Variants in PRKAR1B observed in about 807,000 individuals in gnomAD.
PRKAR1B encodes the protein protein kinase cAMP-dependent type I regulatory subunit beta, also known as cAMP-dependent protein kinase type I-beta regulatory subunit.
PRKAR1B carries 22 observed loss-of-function variants against 46.5 expected under a neutral mutation model. The ratio of observed to expected loss-of-function variants is 0.47; its 90% confidence interval spans 0.34 to 0.68. The LOEUF is 0.68. Among genes scored for constraint, PRKAR1B ranks in the 30% least tolerant of loss-of-function variants. PRKAR1B has a pLI of 0.01. For synonymous variants in PRKAR1B, 259 were observed against 217.7 expected (o/e 1.19, Z -1.67); for missense variants, 445 against 535.6 (o/e 0.83, Z 1.67).
rs544154944 is a variant in PRKAR1B, at chr7:643,411, C to T, written c.440+33818G>A. ...GCGTGAGAACAACTGGACGATCCTTCGCAGCTCACTCATAAAAAGTCATAG... is the reference window on the plus strand; with the variant it reads ...GCGTGAGAACAACTGGACGATCCTTTGCAGCTCACTCATAAAAAGTCATAG... On this transcript the variant is annotated intron_variant, in intron 4 of 10. Coordinates refer to ENST00000537384, the MANE Select transcript of PRKAR1B (RefSeq NM_001164760.2). 4.4e-4 allele frequency among the ~76,000 whole-genome samples: 66 copies of T among 151,558 alleles called. 3 individuals carry two copies. Among genetic ancestry groups the T allele is most frequent in the South Asian group, 1.9e-3 (9 of 4,790 alleles).
At position 618,603 on chromosome 7, in the gene PRKAR1B, T is replaced by G. The variant is rs149545044; in HGVS notation, c.441-11151A>C. 2.6e-5 allele frequency among the ~76,000 whole-genome samples: 4 copies of G among 152,212 alleles called. No individual in the cohort carries two copies. The South Asian group carries it at 8.3e-4, about 32-fold the overall frequency. On this transcript the variant is annotated intron_variant, in intron 4 of 10. Coordinates refer to ENST00000537384, the MANE Select transcript of PRKAR1B (RefSeq NM_001164760.2). The stretch of plus-strand genomic sequence containing the variant: ...CCACGTCACCACATTGCCTGACACG[T>G]TGGGGCTGCGGCTTTGAACTGCCGT...
At chr7:629,948 G>A (rs1362857090) in intron 4 of PRKAR1B, among the ~76,000 whole-genome samples, 2 of 96,374 alleles carry the variant, frequency 2.1e-5, no homozygotes, top group Non-Finnish European at 4.1e-5. Flanking sequence ...GCGGGGCCAC[G>A]GCCTCCCAGG....
At chr7:590,202 C>T (rs987324278) in intron 7 of PRKAR1B, among the ~76,000 whole-genome samples, 6 of 152,266 alleles carry the variant, frequency 3.9e-5, no homozygotes, top group African/African-American at 9.6e-5. Flanking sequence ...CCCTGAGCAC[C>T]ACCGGCCCAG....
chr7:717,317 G>C (rs1182509426), intron 1 of PRKAR1B, among the ~76,000 whole-genome samples: 3 of 150,100 alleles, frequency 2.0e-5, no homozygotes, highest in Non-Finnish European at 4.4e-5. Context: ...AAGAGAGAGA[G>C]ACAGAAGGAA....
chr7:607,404 A>C lies in PRKAR1B; in HGVS notation c.489T>G (p.Thr163=), dbSNP rs141011841. The change falls in exon 5 of 11, where the codon ACT becomes ACG. Residue 163 remains threonine (T), a synonymous_variant. Coordinates refer to ENST00000537384, the MANE Select transcript of PRKAR1B (RefSeq NM_001164760.2). ...GGCAGAACGTACCTTGCTGTATAAC[A>C]GTCTCCCCAGCGATGTGAGTGACAG... ...MFPVTHIAGE[T]VIQQGNEGDN... The C allele has an allele frequency of 6.1e-5, 98 of 1,613,760 alleles. No individual in the cohort carries two copies. Among genetic ancestry groups the C allele is most frequent in the Non-Finnish European group, 8.1e-5 (96 of 1,179,810 alleles).
chr7:600,830 T>G (rs1297422371), intron 6 of PRKAR1B, among the ~76,000 whole-genome samples: 1 of 152,252 alleles, frequency 6.6e-6, no homozygotes, highest in Non-Finnish European at 1.5e-5. Flanking sequence ...AGTCAGCAGC[T>G]GAGTGTCCTT....
intron 2 of PRKAR1B, among the ~76,000 whole-genome samples, chr7:706,160 C>T (rs1428524673): frequency 2.6e-5 from 4 of 151,988 alleles, no homozygotes; most frequent in Non-Finnish European, 5.9e-5. Context: ...ATCCCGTCTC[C>T]ACAAAAAATA....
chr7:721,780 A>C (rs1325453829), intron 1 of PRKAR1B, among the ~76,000 whole-genome samples: 1 of 152,084 alleles, frequency 6.6e-6, no homozygotes, highest in Non-Finnish European at 1.5e-5. Flanking sequence ...TTCCTGAAGG[A>C]TAGTTTTGCT....
intron 2 of PRKAR1B, among the ~76,000 whole-genome samples, chr7:705,321 G>GA (rs1204172088): frequency 7.7e-6 from 1 of 129,076 alleles, no homozygotes; most frequent in African/African-American, 3.0e-5. Flanking sequence ...AAAAAAAAAA[G>GA]AAAAAAGAAA....
chr7:687,729 C>T (rs568977643), intron 2 of PRKAR1B, among the ~76,000 whole-genome samples: 2 of 152,300 alleles, frequency 1.3e-5, no homozygotes, highest in East Asian at 1.9e-4. Context: ...AACTCCCACA[C>T]AGGATAAACC....
At chr7:689,587 C>G (rs1779295483) in intron 2 of PRKAR1B, among the ~76,000 whole-genome samples, 1 of 151,904 alleles carries the variant, frequency 6.6e-6, no homozygotes, top group Admixed American at 6.6e-5. Flanking sequence ...AGTATTTTAT[C>G]TAGACTTTGA....
At chr7:708,854 G>C (rs533047846) in intron 2 of PRKAR1B, among the ~76,000 whole-genome samples, 2 of 143,766 alleles carry the variant, frequency 1.4e-5, no homozygotes, top group South Asian at 4.4e-4. Flanking sequence ...GTGCAGTGAC[G>C]CATCTTTGCT....
At chr7:693,679 G>C (rs909645140) in intron 2 of PRKAR1B, among the ~76,000 whole-genome samples, 1 of 152,168 alleles carries the variant, frequency 6.6e-6, no homozygotes, top group Non-Finnish European at 1.5e-5. Flanking sequence ...TCACATCGTG[G>C]CTCCTGTAAG....
upstream of PRKAR1B, chr7:727,308 C>G (rs1187402807): frequency 3.9e-6 from 5 of 1,289,134 alleles, no homozygotes; most frequent in East Asian, 9.7e-5. Flanking sequence ...TGGCGCAGGC[C>G]ACGCCCGGTG....
At chr7:562,352 G>A (rs769214236) in intron 9 of PRKAR1B, among the ~76,000 whole-genome samples, 2 of 152,126 alleles carry the variant, frequency 1.3e-5, no homozygotes, top group African/African-American at 2.4e-5. Flanking sequence ...AACCCCAAGC[G>A]TCCCAGTGAG....
chr7:567,904 T>G (rs2128432967), intron 9 of PRKAR1B, among the ~76,000 whole-genome samples: 1 of 151,842 alleles, frequency 6.6e-6, no homozygotes, highest in South Asian at 2.1e-4. Context: ...GTGTGTTTGG[T>G]GGGGACAGAG....
At chr7:661,460 T>A (rs1197290389) in intron 4 of PRKAR1B, among the ~76,000 whole-genome samples, 2 of 66,720 alleles carry the variant, frequency 3.0e-5, no homozygotes, top group Non-Finnish European at 5.5e-5. Flanking sequence ...CTCCCCCCCA[T>A]GGCACAGTTC....
Position 550,127 on chromosome 7 carries a change from A to C in PRKAR1B, c.*303T>G. 2.6e-6 allele frequency: 1 copy of C among 389,042 alleles called. No homozygotes were observed. The highest frequency in any genetic ancestry group is 4.8e-6 in the Non-Finnish European group (1 of 210,258). The allele number at this position is 389,042 out of a possible 1,614,324, so 24.1% of individuals were successfully genotyped here. A position where few individuals can be genotyped will look rare whatever the true frequency, so the allele number is the denominator to read the frequency against. ...CCTCAAGCATCTCCAGGAGACTGGC[A>C]GGGGTGGGGTGGGCCCCCCAGGAGA... On this transcript the variant is annotated 3_prime_UTR_variant, in exon 11 of 11. Coordinates refer to ENST00000537384, the MANE Select transcript of PRKAR1B (RefSeq NM_001164760.2).
chr7:711,317 G>C lies in PRKAR1B; in HGVS notation c.177+12C>G. 6.2e-7 allele frequency: 1 copy of C among 1,613,862 alleles called. No homozygotes were observed. The highest frequency in any genetic ancestry group is 8.5e-7 in the Non-Finnish European group (1 of 1,179,822). On this transcript the variant is annotated intron_variant, in intron 2 of 10. Coordinates refer to ENST00000537384, the MANE Select transcript of PRKAR1B (RefSeq NM_001164760.2). ...GTGCGAAGGGAAGCAGCGGGCGGCG[G>C]GGGCCACTCACCTTCTCCAGCTTCT...
Sources: gnomAD v4.1 joint callset for allele counts (sites outside exome capture counted in the v4.1 genomes callset) on GRCh38, gnomAD v4.1.1 for gene constraint, MANE v1.5 for transcripts, NCBI Gene and HGNC (gene_info 2026-07-23, HGNC 2026-07-21) for gene names.